Variants in USH2A observed in about 807,000 individuals in gnomAD.
USH2A encodes Usher syndrome 2A (autosomal recessive, mild).
A neutral mutation model predicts 538.9 loss-of-function variants in USH2A; 443 were observed. The ratio of observed to expected loss-of-function variants is 0.82; its 90% CI spans 0.76 to 0.89. USH2A has a LOEUF of 0.89. Among genes scored for constraint, USH2A ranks in the 40% least tolerant of loss-of-function variants. The pLI is 0.00. For synonymous variants in USH2A, 2,413 were observed against 2,273.5 expected, an observed-to-expected ratio of 1.06 and a Z score of -1.75; for missense variants, 6,633 against 6,324.8, an observed-to-expected ratio of 1.05 and a Z score of -1.65.
At chr1:216,023,459 C>CAAAAAAAAAAAAAAAAAAAA in intron 32 of USH2A, among the ~76,000 whole-genome samples, 62 of 46,940 alleles carry the variant, frequency 1.3e-3, no homozygotes, top group East Asian at 3.9e-3. Context: ...TCAAAGCAGA[C>CAAAAAAAAAAAAAAAAAAAA]AAAAAAAAAA....
intron 36 of USH2A, 41 bp downstream of exon 36, chr1:215,970,584 G>T: frequency 1.2e-6 from 2 of 1,612,692 alleles, no homozygotes; most frequent in South Asian, 2.2e-5. Context: ...AGTGTCATCT[G>T]ACATTTAACA....
chr1:216,030,993 TC>T (rs1179539971), intron 32 of USH2A, among the ~76,000 whole-genome samples: 1 of 151,972 alleles, frequency 6.6e-6, no homozygotes, highest in Admixed American at 6.6e-5. Context: ...GCCTTTTTTT[TC>T]TTCTTGTATA....
intron 4 of USH2A, among the ~76,000 whole-genome samples, chr1:216,353,794 C>T (rs1422094073): frequency 2.6e-5 from 4 of 151,932 alleles, no homozygotes; most frequent in Admixed American, 2.0e-4. Flanking sequence ...ATCTAACAAC[C>T]AAAACAAGCC....
At position 216,292,190 on chromosome 1, in the gene USH2A, C is replaced by T. The variant is rs1243499966; in HGVS notation, c.1825G>A (p.Glu609Lys). 4.3e-6 allele frequency: 7 copies of T among 1,614,034 alleles called. No homozygotes were observed. Among genetic ancestry groups the T allele is most frequent in the Admixed American group, 1.7e-5 (1 of 60,014 alleles). Residue 609 changes from glutamate (E) to lysine (K), a missense_variant, in exon 10 of 72, where the codon GAG becomes AAG. Glu to Lys is a moderately conservative substitution (Grantham distance 56). Transcript: ENST00000307340. ...TGCTACTTACCTGTAGTGTTATGCTCACAATCATCACAAACTCCTCCTCCC... is the reference window on the plus strand; with the variant it reads ...TGCTACTTACCTGTAGTGTTATGCTTACAATCATCACAAACTCCTCCTCCC... ...RGGGGVCDDC[E>K]HNTTGRNCEL...
chr1:216,081,867 A>G (rs1040184928), intron 26 of USH2A, among the ~76,000 whole-genome samples: 5 of 151,932 alleles, frequency 3.3e-5, no homozygotes, highest in African/African-American at 1.2e-4. Context: ...AAAGTGCTGG[A>G]ATTATAGGGG....
At chr1:215,779,713 C>T in intron 55 of USH2A, 130 bp downstream of exon 55, 1 of 1,103,112 alleles carries the variant, frequency 9.1e-7, no homozygotes, top group South Asian at 1.3e-5. Context: ...TGGGACCTGA[C>T]CATATGTCAA....
intron 49 of USH2A, among the ~76,000 whole-genome samples, chr1:215,809,220 T>C (rs967583360): frequency 6.6e-6 from 1 of 152,194 alleles, no homozygotes; most frequent in Non-Finnish European, 1.5e-5. Context: ...TGTCCCTCTA[T>C]GGTAAACTTT....
At chr1:215,891,302 G>C (rs1665203976) in intron 40 of USH2A, among the ~76,000 whole-genome samples, 1 of 152,184 alleles carries the variant, frequency 6.6e-6, no homozygotes, top group Non-Finnish European at 1.5e-5. Flanking sequence ...TAGATTCGCT[G>C]CTCTTGTTGC....
chr1:215,854,158 T>C (rs991941402), intron 44 of USH2A, among the ~76,000 whole-genome samples: 3 of 152,140 alleles, frequency 2.0e-5, no homozygotes, highest in Non-Finnish European at 2.9e-5. Flanking sequence ...CTCACAATCA[T>C]GGTGGAAGGT....
At chr1:215,719,362 CAAAAA>C (rs375176415) in intron 61 of USH2A, among the ~76,000 whole-genome samples, 6 of 74,636 alleles carry the variant, frequency 8.0e-5, no homozygotes, top group African/African-American at 2.9e-4. Context: ...CCTCAGGAGA[CAAAAA>C]AAAAAAAAAA....
At chr1:216,408,823 T>C (rs995238639) in intron 3 of USH2A, among the ~76,000 whole-genome samples, 5 of 152,284 alleles carry the variant, frequency 3.3e-5, no homozygotes, top group Admixed American at 2.6e-4. Flanking sequence ...ACTATGTGAC[T>C]GAAGGGCTAG....
chr1:215,785,717 T>G lies in USH2A; in HGVS notation c.10387+953A>C, dbSNP rs532108391. Among the ~76,000 whole-genome samples the G allele has an allele frequency of 5.9e-5, 9 of 152,278 alleles. No individual in the cohort carries two copies. The South Asian group carries it at 1.9e-3, about 32-fold the overall frequency. ...TAAATAATGTTCAATCAACCTTATC[T>G]CTGTTCCTTTCTTCCCTTCCTAATC... On this transcript the variant is annotated intron_variant, in intron 52 of 71. Coordinates refer to ENST00000307340, the MANE Select transcript of USH2A (RefSeq NM_206933.4).
intron 37 of USH2A, among the ~76,000 whole-genome samples, chr1:215,961,632 T>G (rs1013271492): frequency 1.3e-5 from 2 of 151,700 alleles, no homozygotes; most frequent in Admixed American, 1.3e-4. Context: ...ATAAAATATA[T>G]TCTACAGTTT....
At position 215,888,807 on chromosome 1, in the gene USH2A, G is replaced by A. The variant is rs1378937425; in HGVS notation, c.7842C>T (p.Ser2614=). Residue 2614 remains serine, a synonymous_variant, in exon 41 of 72, where the codon TCC becomes TCT. Coordinates refer to ENST00000307340, the MANE Select transcript of USH2A (RefSeq NM_206933.4). ...CCCCTGGGAGTGTCCATACAGTCTG[G>A]GACTCTGGTGAAAGGGAACATCCTT... ...TSKGCSLSPE[S]QTVWTLPGAP... The A allele has an allele frequency of 1.2e-6, 2 of 1,613,926 alleles. No individual in the cohort carries two copies. Among genetic ancestry groups the A allele is most frequent in the Non-Finnish European group, 1.7e-6 (2 of 1,180,006 alleles).
intron 23 of USH2A, among the ~76,000 whole-genome samples, chr1:216,087,980 A>G (rs765724159): frequency 3.3e-5 from 5 of 152,148 alleles, no homozygotes; most frequent in Admixed American, 2.6e-4. Context: ...CTTTCAAAGT[A>G]AAAGCCCACA....
At chr1:215,898,700 A>C (rs760757649) in intron 40 of USH2A, among the ~76,000 whole-genome samples, 1 of 152,212 alleles carries the variant, frequency 6.6e-6, no homozygotes, top group Non-Finnish European at 1.5e-5. Context: ...GCATGCTGCT[A>C]TATATAAGAA....
intron 64 of USH2A, among the ~76,000 whole-genome samples, chr1:215,655,937 T>A (rs1038840001): frequency 2.0e-5 from 3 of 152,054 alleles, no homozygotes; most frequent in African/African-American, 7.2e-5. Context: ...GGTTTCACCA[T>A]GTTGTCCAGG....
At chr1:215,863,999 C>CA (rs1372111301) in intron 44 of USH2A, among the ~76,000 whole-genome samples, 2 of 152,246 alleles carry the variant, frequency 1.3e-5, no homozygotes, top group Non-Finnish European at 2.9e-5. Context: ...ATTGCCCTCT[C>CA]ACTCCCTCCA....
intron 44 of USH2A, among the ~76,000 whole-genome samples, chr1:215,853,468 G>C (rs956364659): frequency 3.3e-5 from 5 of 152,156 alleles, no homozygotes; most frequent in Non-Finnish European, 5.9e-5. Flanking sequence ...CCATTGTCTT[G>C]GGGATTAACA....
Sources: gnomAD v4.1 joint callset for allele counts (sites outside exome capture counted in the v4.1 genomes callset) on GRCh38, gnomAD v4.1.1 for gene constraint, MANE v1.5 for transcripts, NCBI Gene and HGNC (gene_info 2026-07-23, HGNC 2026-07-21) for gene names.